The following ARL15 variants were observed in gnomAD, a reference collection of about 807,000 sequenced individuals.
The protein encoded by ARL15 is ADP-ribosylation factor-like protein 15.
ARL15 carries 19 observed loss-of-function variants against 25.2 expected under a neutral mutation model. The ratio of observed to expected loss-of-function variants is 0.75; its 90% CI spans 0.53 to 1.10. The LOEUF is 1.10. Among genes scored for constraint, ARL15 ranks in the 50% least tolerant of loss-of-function variants. The pLI is 0.00. For missense variants in ARL15, 220 were observed against 246.0 expected, an observed-to-expected ratio of 0.89 and a Z score of 0.71; for synonymous variants, 94 against 86.8, an observed-to-expected ratio of 1.08 and a Z score of -0.46.
At chr5:54,149,249 A>G (rs997187668) in intron 3 of ARL15, among the ~76,000 whole-genome samples, 2 of 152,244 alleles carry the variant, frequency 1.3e-5, no homozygotes, top group African/African-American at 4.8e-5. Flanking sequence ...GGAGCAGGAC[A>G]AGATCATTTG....
At chr5:53,935,778 C>T (rs1036653510) in intron 4 of ARL15, among the ~76,000 whole-genome samples, 12 of 152,174 alleles carry the variant, frequency 7.9e-5, no homozygotes, top group Admixed American at 1.3e-4. Flanking sequence ...GTTTGAGACT[C>T]AGTCTCAGTC....
At chr5:54,266,056 G>A (rs933632644) in intron 1 of ARL15, among the ~76,000 whole-genome samples, 2 of 152,184 alleles carry the variant, frequency 1.3e-5, no homozygotes, top group African/African-American at 4.8e-5. Flanking sequence ...ACGGCTCCAT[G>A]TCAGGCTTAC....
At chr5:54,048,934 T>A (rs1225704201) in intron 4 of ARL15, among the ~76,000 whole-genome samples, 2 of 152,060 alleles carry the variant, frequency 1.3e-5, no homozygotes, top group East Asian at 3.9e-4. Flanking sequence ...GAGTTTTACC[T>A]CAGGTCAGTC....
chr5:54,193,366 C>T (rs1755459142), intron 1 of ARL15, among the ~76,000 whole-genome samples: 1 of 152,136 alleles, frequency 6.6e-6, no homozygotes, highest in Non-Finnish European at 1.5e-5. Flanking sequence ...GGGTCCTCAA[C>T]CCCCAGGCAG....
chr5:54,282,341 A>G (rs1758079616), intron 1 of ARL15: 1 of 985,420 alleles, frequency 1.0e-6, no homozygotes, highest in Non-Finnish European at 1.2e-6. Context: ...TAAGATTAAA[A>G]TAAGAATAAG....
intron 4 of ARL15, among the ~76,000 whole-genome samples, chr5:53,899,984 G>A (rs1745012559): frequency 6.6e-6 from 1 of 152,178 alleles, no homozygotes; most frequent in Non-Finnish European, 1.5e-5. Flanking sequence ...ATGAGTAACT[G>A]AATGTTAATG....
At chr5:53,918,016 A>G (rs1308709399) in intron 4 of ARL15, among the ~76,000 whole-genome samples, 1 of 152,172 alleles carries the variant, frequency 6.6e-6, no homozygotes, top group African/African-American at 2.4e-5. Context: ...AAATCATACG[A>G]CATATGCAAT....
intron 1 of ARL15, among the ~76,000 whole-genome samples, chr5:54,279,242 G>A (rs578139249): frequency 7.8e-6 from 1 of 128,698 alleles, no homozygotes; most frequent in South Asian, 2.8e-4. Context: ...TATGTTATCT[G>A]CAATTTACAA....
chr5:54,062,759 A>G (rs1373851987), intron 4 of ARL15, among the ~76,000 whole-genome samples: 2 of 152,202 alleles, frequency 1.3e-5, no homozygotes, highest in Non-Finnish European at 2.9e-5. Flanking sequence ...TCTGGCAAGA[A>G]AGCTAAAAGT....
Position 54,278,374 on chromosome 5 carries a change from T to C in ARL15, c.48+32058A>G, listed in dbSNP as rs76112929. Among the ~76,000 whole-genome samples, 1,459 of 152,334 alleles carry C rather than the reference T, an allele frequency of 9.6e-3. 30 individuals carry two copies. The highest frequency in any genetic ancestry group is 0.033 in the African/African-American group (1,380 of 41,568). On this transcript the variant is annotated intron_variant, in intron 1 of 4. Coordinates refer to ENST00000504924, the MANE Select transcript of ARL15 (RefSeq NM_019087.3). Reference sequence around the variant, plus strand: ...TAAAATCATAGAACCACAATTGTACTATAAACTCTTGGCCTAAATTTACGT... The same window carrying C: ...TAAAATCATAGAACCACAATTGTACCATAAACTCTTGGCCTAAATTTACGT...
chr5:53,980,077 A>G (rs1748071601), intron 4 of ARL15, among the ~76,000 whole-genome samples: 1 of 151,958 alleles, frequency 6.6e-6, no homozygotes, highest in South Asian at 2.1e-4. Flanking sequence ...TTTGAGTGCT[A>G]TTGATTTCAT....
intron 4 of ARL15, among the ~76,000 whole-genome samples, chr5:54,092,435 G>A (rs1233020928): frequency 6.6e-6 from 1 of 152,070 alleles, no homozygotes; most frequent in Admixed American, 6.6e-5. Context: ...GAATGACCAA[G>A]CATGGAATGT....
chr5:53,919,196 C>G (rs554010421), intron 4 of ARL15, among the ~76,000 whole-genome samples: 75 of 152,258 alleles, frequency 4.9e-4, no homozygotes, highest in African/African-American at 1.7e-3. Flanking sequence ...TTAACAAATT[C>G]AAATACTACA....
chr5:54,061,802 G>A (rs908867858), intron 4 of ARL15, among the ~76,000 whole-genome samples: 1 of 151,984 alleles, frequency 6.6e-6, no homozygotes, highest in African/African-American at 2.4e-5. Context: ...CTAGGGCACC[G>A]CCTAGTGGAG....
chr5:53,892,156 C>T (rs1449416615), intron 4 of ARL15, among the ~76,000 whole-genome samples: 2 of 152,198 alleles, frequency 1.3e-5, no homozygotes, highest in Admixed American at 6.5e-5. Context: ...ATTACTTAGA[C>T]TAGTTCTTAA....
chr5:54,002,490 G>T (rs1386071447), intron 4 of ARL15, among the ~76,000 whole-genome samples: 1 of 152,166 alleles, frequency 6.6e-6, no homozygotes, highest in African/African-American at 2.4e-5. Context: ...AACATTAGTT[G>T]TAATAATCTA....
At chr5:54,056,512 C>T (rs1183813654) in intron 4 of ARL15, among the ~76,000 whole-genome samples, 2 of 151,590 alleles carry the variant, frequency 1.3e-5, no homozygotes, top group African/African-American at 2.4e-5. Context: ...CCCCTGTAGT[C>T]CCAGCTACTC....
At chr5:54,247,510 C>T (rs1436595000) in intron 1 of ARL15, among the ~76,000 whole-genome samples, 2 of 151,124 alleles carry the variant, frequency 1.3e-5, no homozygotes, top group Non-Finnish European at 2.9e-5. Context: ...ACAAATGTCA[C>T]TGTCCCATTT....
At chr5:54,201,089 G>C (rs1161709897) in intron 1 of ARL15, among the ~76,000 whole-genome samples, 1 of 151,734 alleles carries the variant, frequency 6.6e-6, no homozygotes. Context: ...TATCTCAATA[G>C]CTTTCCTTGG....
Sources: gnomAD v4.1 joint callset for allele counts (sites outside exome capture counted in the v4.1 genomes callset) on GRCh38, gnomAD v4.1.1 for gene constraint, MANE v1.5 for transcripts, NCBI Gene and HGNC (gene_info 2026-07-23, HGNC 2026-07-21) for gene names.